KCNH7: variants seen among roughly 807,000 people sequenced by gnomAD.
KCNH7 encodes the protein voltage-gated inwardly rectifying potassium channel KCNH7.
KCNH7 carries 49 observed loss-of-function variants against 120.8 expected under a neutral mutation model. That is an observed-to-expected ratio of 0.41 (90% CI 0.32 to 0.51). The LOEUF is 0.51. Ranked by LOEUF, KCNH7 falls within the 20% of genes least tolerant of loss-of-function variation. The pLI, the probability that KCNH7 is intolerant of heterozygous loss-of-function variation, is 0.38. For missense variants in KCNH7, 1,097 were observed against 1,446.6 expected, an observed-to-expected ratio of 0.76 and a Z score of 3.92; for synonymous variants, 547 against 516.1, an observed-to-expected ratio of 1.06 and a Z score of -0.81.
At chr2:162,422,402 C>T (rs1315650647) in intron 9 of KCNH7, among the ~76,000 whole-genome samples, 2 of 152,086 alleles carry the variant, frequency 1.3e-5, no homozygotes, top group South Asian at 2.1e-4. Flanking sequence ...AATATGAGTG[C>T]TTTTATTTTC....
At chr2:162,554,313 A>G (rs1225926885) in intron 2 of KCNH7, among the ~76,000 whole-genome samples, 1 of 152,248 alleles carries the variant, frequency 6.6e-6, no homozygotes, top group Non-Finnish European at 1.5e-5. Context: ...AATAGAATAG[A>G]TAAAGCTGTA....
intron 2 of KCNH7, among the ~76,000 whole-genome samples, chr2:162,698,469 T>C (rs1686375332): frequency 6.6e-6 from 1 of 152,010 alleles, no homozygotes; most frequent in Non-Finnish European, 1.5e-5. Context: ...ATGAGTTTTT[T>C]TCAGGCTTAT....
intron 2 of KCNH7, among the ~76,000 whole-genome samples, chr2:162,788,507 T>C (rs1683795726): frequency 6.6e-6 from 1 of 152,062 alleles, no homozygotes; most frequent in Non-Finnish European, 1.5e-5. Context: ...AGTAGGAGAC[T>C]TGATAAAGCA....
chr2:162,723,120 A>G (rs1007301457), intron 2 of KCNH7, among the ~76,000 whole-genome samples: 1 of 152,082 alleles, frequency 6.6e-6, no homozygotes, highest in African/African-American at 2.4e-5. Context: ...GGTAAATTAT[A>G]TATCTCTTTA....
chr2:162,803,157 A>T (rs1470119300), intron 2 of KCNH7, among the ~76,000 whole-genome samples: 6 of 151,822 alleles, frequency 4.0e-5, no homozygotes, highest in Admixed American at 6.6e-5. Context: ...ATTCACAGAC[A>T]AAATTATTTA....
chr2:162,382,399 C>T (rs1470697896), intron 13 of KCNH7, among the ~76,000 whole-genome samples: 1 of 152,000 alleles, frequency 6.6e-6, no homozygotes, highest in Non-Finnish European at 1.5e-5. Flanking sequence ...AATGAACATC[C>T]TTGTAGACAC....
At chr2:162,550,680 C>T (rs1267318715) in intron 2 of KCNH7, among the ~76,000 whole-genome samples, 1 of 152,024 alleles carries the variant, frequency 6.6e-6, no homozygotes, top group East Asian at 1.9e-4. Flanking sequence ...TCTGTCATTA[C>T]CTCCCCTCAA....
At chr2:162,618,452 C>T (rs185931867) in intron 2 of KCNH7, among the ~76,000 whole-genome samples, 2 of 152,090 alleles carry the variant, frequency 1.3e-5, no homozygotes, top group African/African-American at 2.4e-5. Context: ...GACACACATA[C>T]GTGCTTACAT....
intron 6 of KCNH7, among the ~76,000 whole-genome samples, chr2:162,499,414 A>T (rs1690602515): frequency 6.6e-6 from 1 of 152,086 alleles, no homozygotes; most frequent in Non-Finnish European, 1.5e-5. Context: ...CCTCCCTGAG[A>T]TGTACACTAC....
rs1316880755 is a variant in KCNH7, at chr2:162,515,457, G to A, written c.892+2273C>T. On this transcript the variant is annotated intron_variant, in intron 4 of 15. Coordinates refer to ENST00000332142, the MANE Select transcript of KCNH7 (RefSeq NM_033272.4). ...TAAGTCAGTAAAATGCACTGATTAT[G>A]TATCAGTTTGATTTTCAAATTTGTT... 2.6e-5 allele frequency among the ~76,000 whole-genome samples: 4 copies of A among 151,888 alleles called. No individual in the cohort carries two copies. The East Asian group carries it at 7.8e-4, about 30-fold the overall frequency.
intron 2 of KCNH7, among the ~76,000 whole-genome samples, chr2:162,781,589 G>A (rs772069937): frequency 6.6e-6 from 1 of 152,138 alleles, no homozygotes; most frequent in Non-Finnish European, 1.5e-5. Context: ...GGAGACAGCA[G>A]TGATGTGGTA....
chr2:162,543,269 C>G (rs1480885479), intron 2 of KCNH7, among the ~76,000 whole-genome samples: 1 of 147,728 alleles, frequency 6.8e-6, no homozygotes, highest in Non-Finnish European at 1.5e-5. Flanking sequence ...TAATCTCTCT[C>G]TCACACACAC....
At chr2:162,706,714 A>G (rs1006824308) in intron 2 of KCNH7, among the ~76,000 whole-genome samples, 1 of 151,930 alleles carries the variant, frequency 6.6e-6, no homozygotes, top group Non-Finnish European at 1.5e-5. Context: ...GCCTTCACCC[A>G]CAGGGCAGTC....
chr2:162,595,978 C>A (rs1694366009), intron 2 of KCNH7, among the ~76,000 whole-genome samples: 1 of 151,878 alleles, frequency 6.6e-6, no homozygotes, highest in Non-Finnish European at 1.5e-5. Flanking sequence ...AAATAAAATA[C>A]TAAGTGGTAA....
At chr2:162,406,517 A>C (rs1373823374) in intron 9 of KCNH7, among the ~76,000 whole-genome samples, 2 of 151,942 alleles carry the variant, frequency 1.3e-5, no homozygotes, top group Non-Finnish European at 2.9e-5. Flanking sequence ...GACATTAGGA[A>C]ATTTTCTAGG....
At chr2:162,701,001 A>G (rs541876789) in intron 2 of KCNH7, among the ~76,000 whole-genome samples, 19 of 152,320 alleles carry the variant, frequency 1.2e-4, no homozygotes, top group African/African-American at 4.3e-4. Context: ...TGGTTTCATA[A>G]CTAACGAAAC....
intron 6 of KCNH7, among the ~76,000 whole-genome samples, chr2:162,451,950 T>C (rs939138961): frequency 3.3e-5 from 5 of 152,042 alleles, no homozygotes; most frequent in African/African-American, 1.2e-4. Context: ...ATGATATGCA[T>C]GTGGAAAGGA....
intron 2 of KCNH7, among the ~76,000 whole-genome samples, chr2:162,605,215 T>C (rs1202538055): frequency 6.6e-6 from 1 of 152,130 alleles, no homozygotes; most frequent in Non-Finnish European, 1.5e-5. Flanking sequence ...TGCCAATCTT[T>C]CTTCATCCTG....
intron 2 of KCNH7, among the ~76,000 whole-genome samples, chr2:162,733,328 G>A (rs1230214346): frequency 1.3e-5 from 2 of 152,118 alleles, no homozygotes; most frequent in African/African-American, 4.8e-5. Flanking sequence ...CAAAATATTT[G>A]TTAAACCCCT....
Sources: allele counts gnomAD v4.1 joint callset (sites outside exome capture counted in the v4.1 genomes callset), GRCh38; gene constraint gnomAD v4.1.1; transcripts MANE v1.5; gene names NCBI Gene and HGNC (gene_info 2026-07-23, HGNC 2026-07-21).